Variants in FBN1 observed in about 807,000 individuals in gnomAD.
FBN1 encodes fibrillin 1, also known as fibrillin-1.
In FBN1, 29 loss-of-function variants were observed where a neutral mutation model predicts 365.1. The ratio of observed to expected loss-of-function variants is 0.08; its 90% CI spans 0.06 to 0.11. The LOEUF (loss-of-function observed/expected upper bound fraction) is 0.11, where lower values mean the gene tolerates loss of function less well. Ranked by LOEUF, FBN1 falls within the 10% of genes least tolerant of loss-of-function variation. FBN1 has a pLI of 1.00. For missense variants in FBN1, 2,476 were observed against 3,703.2 expected, an observed-to-expected ratio of 0.67 and a Z score of 8.60; for synonymous variants, 1,210 against 1,270.5, an observed-to-expected ratio of 0.95 and a Z score of 1.01.
intron 2 of FBN1, among the ~76,000 whole-genome samples, chr15:48,615,304 A>G (rs1430951750): frequency 6.6e-6 from 1 of 152,090 alleles, no homozygotes; most frequent in East Asian, 1.9e-4. Context: ...TACTACAATC[A>G]TACATTGTCT....
At chr15:48,569,998 A>G (rs1351413252) in intron 6 of FBN1, among the ~76,000 whole-genome samples, 4 of 152,212 alleles carry the variant, frequency 2.6e-5, no homozygotes, top group African/African-American at 9.6e-5. Context: ...AAAAAAATCA[A>G]TTCACAAACC....
At chr15:48,476,610 C>CTTT (rs56969171) in intron 32 of FBN1, 9,725 of 119,758 alleles carry the variant, frequency 0.081, 456 homozygotes, top group Non-Finnish European at 0.11. Context: ...CTTTTCTTTT[C>CTTT]TTTTTTTTTT....
Position 48,474,556 on chromosome 15 carries a change from C to T in FBN1, c.4059G>A (p.Gly1353=). The change falls in exon 33 of 66, where the codon GGG becomes GGA. Residue 1353 remains glycine (G), a synonymous_variant. Coordinates refer to ENST00000316623, the MANE Select transcript of FBN1 (RefSeq NM_000138.5). The stretch of plus-strand genomic sequence containing the variant: ...TGCACTTAATGCCATCTCCAATCCA[C>T]CCGGGACTGCAGCTACATTTGAAGC... ...AGSFKCSCSP[G]WIGDGIKCTD... is the part of the protein sequence containing the mutation. The T allele has an allele frequency of 6.2e-7, 1 of 1,614,198 alleles. No homozygotes were observed. Among genetic ancestry groups the T allele is most frequent in the Non-Finnish European group, 8.5e-7 (1 of 1,180,016 alleles).
At chr15:48,468,851 G>C (rs1479012286) in intron 36 of FBN1, among the ~76,000 whole-genome samples, 1 of 151,752 alleles carries the variant, frequency 6.6e-6, no homozygotes, top group Non-Finnish European at 1.5e-5. Context: ...GGCAGATCAC[G>C]AGGTCAGGAG....
rs1566896283 is a variant in FBN1 at position 48,437,430 on chromosome 15, C to A, written c.6314-43G>T. 4 of 1,482,396 alleles carry A rather than the reference C, an allele frequency of 2.7e-6. No individual in the cohort carries two copies. The Admixed American group carries it at 6.7e-5, about 25-fold the overall frequency. 91.8% of individuals were successfully genotyped at this position (1,482,396 alleles called of 1,614,324 possible). On this transcript the variant is annotated intron_variant, in intron 51 of 65. Transcript: ENST00000316623. The stretch of plus-strand genomic sequence containing the variant: ...ATTAATAGATAGAACAATAGCAATT[C>A]ATTACAAGCTTCTCCACAAGTATTT...
chr15:48,415,742 G>C lies in FBN1; in HGVS notation c.7845C>G (p.His2615Gln). The C allele has an allele frequency of 6.2e-7, 1 of 1,614,222 alleles. No individual in the cohort carries two copies. The highest frequency in any genetic ancestry group is 1.3e-5 in the African/African-American group (1 of 75,080). Reference sequence around the variant, plus strand: ...TGTGACAGGAGGCTCCTCCGCAGATGTGAGCGCTGAGGCATTCGTTTTCAT... The same window carrying C: ...TGTGACAGGAGGCTCCTCCGCAGATCTGAGCGCTGAGGCATTCGTTTTCAT... ...CVDENECLSA[H>Q]ICGGASCHNT... The change falls in exon 64 of 66, where the codon CAC becomes CAG. Residue 2615 changes from histidine (H) to glutamine (Q), a missense_variant. Physicochemically the swap from His to Gln is conservative, Grantham distance 24 (BLOSUM62 0). Coordinates refer to ENST00000316623, the MANE Select transcript of FBN1 (RefSeq NM_000138.5).
intron 59 of FBN1, 54 bp downstream of exon 59, chr15:48,425,685 T>C (rs995101952): frequency 6.3e-7 from 1 of 1,596,658 alleles, no homozygotes. Flanking sequence ...GTTTTTTTTT[T>C]TCCATAATCT....
intron 44 of FBN1, 76 bp from the exon 45 acceptor site, chr15:48,452,760 C>G: frequency 6.7e-7 from 1 of 1,491,366 alleles, no homozygotes; most frequent in Non-Finnish European, 9.3e-7. Flanking sequence ...CACATGAAAA[C>G]AAATTTATAT....
At chr15:48,595,908 A>G (rs937815441) in intron 6 of FBN1, among the ~76,000 whole-genome samples, 2 of 152,160 alleles carry the variant, frequency 1.3e-5, no homozygotes, top group Non-Finnish European at 2.9e-5. Flanking sequence ...CTCCCTTTCC[A>G]TACATATGTT....
At chr15:48,433,808 A>C (rs2043042250) in intron 54 of FBN1, among the ~76,000 whole-genome samples, 1 of 152,194 alleles carries the variant, frequency 6.6e-6, no homozygotes, top group Non-Finnish European at 1.5e-5. Flanking sequence ...GATAGATCAT[A>C]TCTGATGAAG....
chr15:48,536,925 A>T (rs1006579083), intron 7 of FBN1, among the ~76,000 whole-genome samples: 1 of 152,192 alleles, frequency 6.6e-6, no homozygotes, highest in Non-Finnish European at 1.5e-5. Context: ...ACAGGCTGAG[A>T]GTTTTCAATC....
intron 23 of FBN1, among the ~76,000 whole-genome samples, chr15:48,493,311 A>G (rs192743544): frequency 0.017 from 2,528 of 152,254 alleles, 59 homozygotes; most frequent in African/African-American, 0.058. Context: ...TTACTTGCCA[A>G]TGCCAAAAAA....
At chr15:48,511,543 T>A (rs1490783849) in intron 13 of FBN1, among the ~76,000 whole-genome samples, 4 of 152,200 alleles carry the variant, frequency 2.6e-5, no homozygotes, top group African/African-American at 4.8e-5. Context: ...CCCATTGCCC[T>A]ATAAGACAAA....
At chr15:48,499,131 G>A in intron 17 of FBN1, 93 bp from the exon 18 acceptor site, 2 of 1,266,048 alleles carry the variant, frequency 1.6e-6, no homozygotes, top group Non-Finnish European at 1.2e-6. Flanking sequence ...CCTCCAAAGT[G>A]AGTAGAACCA....
chr15:48,416,049 A>C (rs2042901390), intron 63 of FBN1, among the ~76,000 whole-genome samples: 1 of 152,216 alleles, frequency 6.6e-6, no homozygotes, highest in South Asian at 2.1e-4. Context: ...GAGGACCAGC[A>C]GACTCCAGTT....
At chr15:48,627,582 C>T (rs930388316) in intron 2 of FBN1, among the ~76,000 whole-genome samples, 19 of 152,176 alleles carry the variant, frequency 1.2e-4, no homozygotes, top group African/African-American at 3.9e-4. Flanking sequence ...CTGTCTGACC[C>T]GGCTTAGGAA....
chr15:48,458,161 T>C (rs956839215), intron 43 of FBN1, among the ~76,000 whole-genome samples: 1 of 152,204 alleles, frequency 6.6e-6, no homozygotes, highest in Admixed American at 6.5e-5. Flanking sequence ...CTTATTATAG[T>C]CAGGAGCCTT....
At chr15:48,463,733 A>T (rs1230069174) in intron 41 of FBN1, among the ~76,000 whole-genome samples, 166 bp downstream of exon 41, 1 of 152,238 alleles carries the variant, frequency 6.6e-6, no homozygotes, top group East Asian at 1.9e-4. Flanking sequence ...TGGTGAAAAA[A>T]TGCCAAGTTA....
chr15:48,541,704 A>AT (rs1371755717), intron 6 of FBN1, among the ~76,000 whole-genome samples: 2 of 150,752 alleles, frequency 1.3e-5, no homozygotes, highest in Non-Finnish European at 2.9e-5. Flanking sequence ...CACTTACATG[A>AT]TATTAAGCTA....
Sources: allele counts gnomAD v4.1 joint callset (sites outside exome capture counted in the v4.1 genomes callset), GRCh38; gene constraint gnomAD v4.1.1; transcripts MANE v1.5; gene names NCBI Gene and HGNC (gene_info 2026-07-23, HGNC 2026-07-21).